The following GRID2 variants were observed in gnomAD, a reference collection of about 807,000 sequenced individuals.
GRID2 encodes glutamate receptor ionotropic, delta-2.
In GRID2, 33 loss-of-function variants were observed where a neutral mutation model predicts 114.8. The ratio of observed to expected loss-of-function variants is 0.29; its 90% CI spans 0.22 to 0.38. The LOEUF is 0.38. Ranked by LOEUF, GRID2 falls within the 10% of genes least tolerant of loss-of-function variation. The pLI, the probability that GRID2 is intolerant of heterozygous loss-of-function variation, is 1.00. For synonymous variants in GRID2, 505 were observed against 449.9 expected, an observed-to-expected ratio of 1.12 and a Z score of -1.55; for missense variants, 1,184 against 1,257.7, an observed-to-expected ratio of 0.94 and a Z score of 0.89.
At chr4:93,596,515 A>T (rs933949435) in intron 13 of GRID2, among the ~76,000 whole-genome samples, 1 of 152,094 alleles carries the variant, frequency 6.6e-6, no homozygotes, top group Non-Finnish European at 1.5e-5. Flanking sequence ...GAGGCGGAGC[A>T]TGCGGTGAGC....
chr4:93,767,487 G>A (rs1199085376), intron 14 of GRID2, among the ~76,000 whole-genome samples: 1 of 152,058 alleles, frequency 6.6e-6, no homozygotes, highest in Non-Finnish European at 1.5e-5. Context: ...ACATTTCACA[G>A]GAAGCAAGGA....
chr4:93,508,288 C>T (rs1418082378), intron 12 of GRID2, among the ~76,000 whole-genome samples: 1 of 150,874 alleles, frequency 6.6e-6, no homozygotes, highest in African/African-American at 2.4e-5. Context: ...ACCTCTGCCT[C>T]CGGGTTCAAG....
intron 8 of GRID2, among the ~76,000 whole-genome samples, chr4:93,327,271 A>G (rs1422087672): frequency 1.3e-5 from 2 of 152,206 alleles, no homozygotes; most frequent in African/African-American, 4.8e-5. Context: ...TTTATAAAAC[A>G]TTTCAAACAG....
At chr4:93,670,361 C>T (rs1724306242) in intron 14 of GRID2, among the ~76,000 whole-genome samples, 1 of 151,966 alleles carries the variant, frequency 6.6e-6, no homozygotes, top group South Asian at 2.1e-4. Flanking sequence ...AACAAAGACC[C>T]AAGAGAAAGA....
chr4:92,974,844 AAAAC>A (rs1467496016), intron 2 of GRID2, among the ~76,000 whole-genome samples: 1 of 151,808 alleles, frequency 6.6e-6, no homozygotes. Context: ...TTAAACAAAC[AAAAC>A]AAACAACAAA....
intron 2 of GRID2, among the ~76,000 whole-genome samples, chr4:93,078,490 A>T (rs1729538306): frequency 6.6e-6 from 1 of 151,430 alleles, no homozygotes; most frequent in African/African-American, 2.4e-5. Context: ...TTTTATATAT[A>T]TAATATACAG....
At chr4:92,739,484 GA>G (rs1736765820) in intron 2 of GRID2, among the ~76,000 whole-genome samples, 3 of 151,574 alleles carry the variant, frequency 2.0e-5, no homozygotes, top group Non-Finnish European at 2.9e-5. Flanking sequence ...GGCTGTCTTT[GA>G]AAACTTTTAC....
chr4:92,989,655 TAA>T (rs1754745989), intron 2 of GRID2, among the ~76,000 whole-genome samples: 2 of 152,314 alleles, frequency 1.3e-5, no homozygotes, highest in South Asian at 4.1e-4. Context: ...CTAATTTTAA[TAA>T]AAGGTAACAT....
At chr4:93,348,970 T>C (rs1218900265) in intron 8 of GRID2, among the ~76,000 whole-genome samples, 1 of 152,136 alleles carries the variant, frequency 6.6e-6, no homozygotes, top group Non-Finnish European at 1.5e-5. Context: ...GCTATTTATT[T>C]ATTTATTTAT....
At chr4:92,430,722 T>G (rs1732399150) in intron 1 of GRID2, among the ~76,000 whole-genome samples, 1 of 152,168 alleles carries the variant, frequency 6.6e-6, no homozygotes, top group South Asian at 2.1e-4. Context: ...ACAATATTGA[T>G]ACTTCTAATC....
At chr4:92,541,640 T>A (rs1725963515) in intron 1 of GRID2, among the ~76,000 whole-genome samples, 1 of 152,122 alleles carries the variant, frequency 6.6e-6, no homozygotes, top group African/African-American at 2.4e-5. Context: ...ATTTAAAACA[T>A]GTATAATTAA....
At chr4:92,606,830 T>C (rs1439913632) in intron 2 of GRID2, among the ~76,000 whole-genome samples, 2 of 152,076 alleles carry the variant, frequency 1.3e-5, no homozygotes, top group Admixed American at 6.6e-5. Context: ...TCAGAAAGTG[T>C]TACATCTTTG....
intron 14 of GRID2, among the ~76,000 whole-genome samples, chr4:93,709,322 C>A (rs947006904): frequency 2.0e-5 from 3 of 152,148 alleles, no homozygotes; most frequent in Non-Finnish European, 2.9e-5. Flanking sequence ...GAAAGTATTT[C>A]TCCTTTGTGT....
intron 2 of GRID2, among the ~76,000 whole-genome samples, chr4:92,590,854 T>C (rs1728678007): frequency 6.6e-6 from 1 of 152,206 alleles, no homozygotes; most frequent in South Asian, 2.1e-4. Context: ...ATTTTTTCAT[T>C]GGTGCAAAGT....
At chr4:92,453,718 T>C (rs1276420193) in intron 1 of GRID2, among the ~76,000 whole-genome samples, 2 of 152,194 alleles carry the variant, frequency 1.3e-5, no homozygotes, top group Non-Finnish European at 2.9e-5. Flanking sequence ...AAGGCTTTTA[T>C]CATCCAGAAA....
intron 14 of GRID2, among the ~76,000 whole-genome samples, chr4:93,768,229 CA>C (rs1733829006): frequency 1.3e-5 from 2 of 152,200 alleles, no homozygotes; most frequent in Non-Finnish European, 2.9e-5. Context: ...CCTGGAAGAG[CA>C]CTAAGCTGTT....
intron 5 of GRID2, 32 bp from the exon 6 acceptor site, chr4:93,216,706 T>C (rs762206428): frequency 7.0e-7 from 1 of 1,434,506 alleles, no homozygotes; most frequent in Non-Finnish European, 9.8e-7. Flanking sequence ...TGTATTAAAG[T>C]ATCTCTAATT....
At chr4:92,509,744 G>A (rs1184160195) in intron 1 of GRID2, among the ~76,000 whole-genome samples, 1 of 151,916 alleles carries the variant, frequency 6.6e-6, no homozygotes, top group Non-Finnish European at 1.5e-5. Flanking sequence ...AAGTATTTGA[G>A]TAAAGAGCAT....
At chr4:92,513,607 A>C (rs1009217443) in intron 1 of GRID2, among the ~76,000 whole-genome samples, 6 of 151,774 alleles carry the variant, frequency 4.0e-5, no homozygotes, top group African/African-American at 1.5e-4. Flanking sequence ...CCTAGTACTT[A>C]TTATCATTGT....
Sources: gnomAD v4.1 joint callset for allele counts (sites outside exome capture counted in the v4.1 genomes callset) on GRCh38, gnomAD v4.1.1 for gene constraint, MANE v1.5 for transcripts, NCBI Gene and HGNC (gene_info 2026-07-23, HGNC 2026-07-21) for gene names.